Variants in CBFA2T3 observed in about 807,000 individuals in gnomAD.
CBFA2T3 encodes transcriptional corepressor CBFA2T3.
Under a neutral mutation model 58.6 loss-of-function variants are expected in CBFA2T3, and 31 were observed. That is an observed-to-expected ratio of 0.53 (90% CI 0.40 to 0.71). The LOEUF is 0.71. Ranked by LOEUF, CBFA2T3 falls within the 30% of genes least tolerant of loss-of-function variation. The pLI is 0.00. For missense variants in CBFA2T3, 1,076 were observed against 963.1 expected, an observed-to-expected ratio of 1.12 and a Z score of -1.55; for synonymous variants, 531 against 421.9, an observed-to-expected ratio of 1.26 and a Z score of -3.17.
At chr16:88,925,190 C>T (rs949155930) in intron 1 of CBFA2T3, among the ~76,000 whole-genome samples, 4 of 152,216 alleles carry the variant, frequency 2.6e-5, no homozygotes, top group African/African-American at 4.8e-5. Flanking sequence ...CAGCCCTGCC[C>T]GGATTGGTCC....
chr16:88,951,952 G>A lies in CBFA2T3; in HGVS notation c.151+24705C>T, dbSNP rs117728910. ...CAGCACAGTCCCAGGTGTCCCTGACGCCTCCGAGCTGGGTTTCTGTCACTC... is the reference window on the plus strand; with the variant it reads ...CAGCACAGTCCCAGGTGTCCCTGACACCTCCGAGCTGGGTTTCTGTCACTC... On this transcript the variant is annotated intron_variant, in intron 1 of 11. Transcript: ENST00000268679. Among the ~76,000 whole-genome samples the A allele has an allele frequency of 9.8e-3, 1,495 of 152,268 alleles. 45 individuals are homozygous for A. Among genetic ancestry groups the A allele is most frequent in the Admixed American group, 0.038 (586 of 15,290 alleles).
Position 88,959,669 on chromosome 16 carries a change from C to A in CBFA2T3, c.151+16988G>T, listed in dbSNP as rs549220984. On this transcript the variant is annotated intron_variant, in intron 1 of 11. Coordinates refer to ENST00000268679, the MANE Select transcript of CBFA2T3 (RefSeq NM_005187.6). ...TTTTCCTCCTCCTTCCTCCCAGCAG[C>A]TGGGAAAGGCGATGGAGAGAAAACG... Among the ~76,000 whole-genome samples, 5 of 152,300 alleles carry A rather than the reference C, an allele frequency of 3.3e-5. No individual in the cohort carries two copies. In the South Asian group the frequency reaches 1.0e-3, roughly 32 times the overall value.
At chr16:88,963,277 G>GTCTTCTGCCAGGGGTGGGCGCTCA (rs1567637358) in intron 1 of CBFA2T3, among the ~76,000 whole-genome samples, 7 of 149,916 alleles carry the variant, frequency 4.7e-5, no homozygotes, top group Non-Finnish European at 1.0e-4. Context: ...GTGGGCGCTC[G>GTCTTCTGCCAGGGGTGGGCGCTCA]TCTTCTGCCA....
chr16:88,927,984 G>A (rs1022182446), intron 1 of CBFA2T3, among the ~76,000 whole-genome samples: 2 of 152,202 alleles, frequency 1.3e-5, no homozygotes, highest in Non-Finnish European at 2.9e-5. Context: ...AGGGCCTCAC[G>A]GAGGCCTCTG....
At chr16:88,974,720 G>A (rs561694744) in intron 1 of CBFA2T3, among the ~76,000 whole-genome samples, 1 of 152,264 alleles carries the variant, frequency 6.6e-6, no homozygotes, top group Admixed American at 6.5e-5. Context: ...GCCACACAGT[G>A]GGGCTGAGGT....
chr16:88,911,497 C>T (rs777018594), intron 1 of CBFA2T3, among the ~76,000 whole-genome samples: 3 of 152,214 alleles, frequency 2.0e-5, no homozygotes, highest in South Asian at 2.1e-4. Context: ...TCATCTCTGG[C>T]GATCTGAAGG....
At position 88,947,571 on chromosome 16, in the gene CBFA2T3, C is replaced by A. The variant is rs564531203; in HGVS notation, c.151+29086G>T. Among the ~76,000 whole-genome samples, 392 of 152,256 alleles carry A rather than the reference C, an allele frequency of 2.6e-3. 2 individuals carry two copies. The highest frequency in any genetic ancestry group is 9.1e-3 in the African/African-American group (378 of 41,528). On this transcript the variant is annotated intron_variant, in intron 1 of 11. Transcript: ENST00000268679. ...TATCGTTATAATTATTGGTAGTATA[C>A]AACCGATACAAACAATGTGAATGTA...
At chr16:88,911,698 C>G (rs541262630) in intron 1 of CBFA2T3, among the ~76,000 whole-genome samples, 1 of 152,396 alleles carries the variant, frequency 6.6e-6, no homozygotes, top group South Asian at 2.1e-4. Flanking sequence ...CGCCTGGCCG[C>G]TCGCCCTGGC....
At chr16:88,952,247 A>G (rs1427820176) in intron 1 of CBFA2T3, among the ~76,000 whole-genome samples, 3 of 152,222 alleles carry the variant, frequency 2.0e-5, no homozygotes, top group Admixed American at 6.5e-5. Flanking sequence ...AAAGCCGTCT[A>G]TCATTGCTGG....
intron 1 of CBFA2T3, among the ~76,000 whole-genome samples, chr16:88,916,227 GGT>G (rs1188276528): frequency 1.0e-4 from 12 of 115,146 alleles, no homozygotes; most frequent in South Asian, 5.5e-4. Flanking sequence ...TATACATGTG[GGT>G]GTGTGTATTC....
At chr16:88,966,023 C>G (rs1000556887) in intron 1 of CBFA2T3, among the ~76,000 whole-genome samples, 1 of 152,218 alleles carries the variant, frequency 6.6e-6, no homozygotes, top group African/African-American at 2.4e-5. Flanking sequence ...CCCCACAGAG[C>G]ATGGGTGCAT....
At chr16:88,940,727 C>A (rs1430102218) in intron 1 of CBFA2T3, among the ~76,000 whole-genome samples, 1 of 152,028 alleles carries the variant, frequency 6.6e-6, no homozygotes, top group Non-Finnish European at 1.5e-5. Context: ...GCCGCGGGGC[C>A]TTTGTTAGGA....
At chr16:88,949,372 A>G (rs1014702959) in intron 1 of CBFA2T3, among the ~76,000 whole-genome samples, 59 of 151,856 alleles carry the variant, frequency 3.9e-4, no homozygotes, top group African/African-American at 1.4e-3. Flanking sequence ...CAGCCTGGCC[A>G]ACATGGCGAA....
At chr16:88,911,354 G>A (rs1970525052) in intron 1 of CBFA2T3, among the ~76,000 whole-genome samples, 1 of 152,246 alleles carries the variant, frequency 6.6e-6, no homozygotes, top group South Asian at 2.1e-4. Context: ...AACTCGGGGT[G>A]GGGGCCGTCC....
chr16:88,941,639 CGGCGCGGGGA>C (rs1259992717), intron 1 of CBFA2T3: 6 of 145,402 alleles, frequency 4.1e-5, no homozygotes, highest in Non-Finnish European at 9.1e-5. Flanking sequence ...CTGCGGGGGG[CGGCGCGGGGA>C]GGCGCAGGCG....
At chr16:88,968,828 G>A (rs1292227623) in intron 1 of CBFA2T3, among the ~76,000 whole-genome samples, 5 of 152,184 alleles carry the variant, frequency 3.3e-5, no homozygotes, top group East Asian at 1.9e-4. Flanking sequence ...TGCGGTCAGC[G>A]GGTGGGGGCT....
chr16:88,927,607 A>G (rs1971125991), intron 1 of CBFA2T3, among the ~76,000 whole-genome samples: 1 of 152,152 alleles, frequency 6.6e-6, no homozygotes, highest in Non-Finnish European at 1.5e-5. Flanking sequence ...CCTGCAGGTG[A>G]TAATCTCCGG....
At position 88,877,033 on chromosome 16, in the gene CBFA2T3, C is replaced by A; in HGVS notation, c.1905G>T (p.Gly635=). The A allele has an allele frequency of 6.7e-7, 1 of 1,503,386 alleles. No individual in the cohort carries two copies. Among genetic ancestry groups the A allele is most frequent in the Non-Finnish European group, 8.9e-7 (1 of 1,128,086 alleles). 93.1% of individuals were successfully genotyped at this position (1,503,386 alleles called of 1,614,324 possible). A position where few individuals can be genotyped will look rare whatever the true frequency, so the allele number is the denominator to read the frequency against. The change falls in exon 12 of 12, where the codon GGG becomes GGT. Residue 635 remains glycine (G), a synonymous_variant. Coordinates refer to ENST00000268679, the MANE Select transcript of CBFA2T3 (RefSeq NM_005187.6). Reference sequence around the variant, plus strand: ...GGCTGGGGGAGCCGGGGCGAGAAGGCCCCGCAGAGCCGGCTTCGCTGGGGC... The same window carrying A: ...GGCTGGGGGAGCCGGGGCGAGAAGGACCCGCAGAGCCGGCTTCGCTGGGGC... ...AASPSEAGSA[G]PSRPGSPSPP...
At chr16:88,919,769 A>G (rs1970852201) in intron 1 of CBFA2T3, among the ~76,000 whole-genome samples, 3 of 152,202 alleles carry the variant, frequency 2.0e-5, no homozygotes. Context: ...GAACTGTTGG[A>G]AAGTCAGTGT....
Sources: gnomAD v4.1 joint callset for allele counts (sites outside exome capture counted in the v4.1 genomes callset) on GRCh38, gnomAD v4.1.1 for gene constraint, MANE v1.5 for transcripts, NCBI Gene and HGNC (gene_info 2026-07-23, HGNC 2026-07-21) for gene names.